UGT2B15: variants seen among roughly 807,000 people sequenced by gnomAD.
UGT2B15 encodes UDP glucuronosyltransferase family 2 member B15.
In UGT2B15, 36 loss-of-function variants were observed where a neutral mutation model predicts 45.9. That is an observed-to-expected ratio of 0.78 (90% confidence interval 0.60 to 1.04). UGT2B15 has a LOEUF of 1.04. Ranked by LOEUF, UGT2B15 falls within the 50% of genes least tolerant of loss-of-function variation. The pLI is 0.00. For synonymous variants in UGT2B15, 219 were observed against 216.4 expected (o/e 1.01, Z -0.11); for missense variants, 617 against 622.4 (o/e 0.99, Z 0.09).
intron 5 of UGT2B15, 49 bp downstream of exon 5, chr4:68,653,988 G>T: frequency 6.3e-7 from 1 of 1,596,380 alleles, no homozygotes; most frequent in South Asian, 1.1e-5. Context: ...ATTCACTGTT[G>T]ACAAAATAAT....
intron 5 of UGT2B15, among the ~76,000 whole-genome samples, chr4:68,651,229 G>A (rs1473775286): frequency 1.3e-5 from 2 of 152,062 alleles, no homozygotes; most frequent in Middle Eastern, 3.4e-3. Context: ...TTTTGCCCAT[G>A]CCTATGTCCT....
At chr4:68,660,036 A>T (rs1204396955) in intron 3 of UGT2B15, among the ~76,000 whole-genome samples, 1 of 147,722 alleles carries the variant, frequency 6.8e-6, no homozygotes, top group Admixed American at 6.8e-5. Context: ...GTTTCCCTCT[A>T]CCTGATTTTT....
chr4:68,663,258 A>G, intron 2 of UGT2B15, 119 bp from the exon 3 acceptor site: 2 of 1,038,082 alleles, frequency 1.9e-6, no homozygotes, highest in Non-Finnish European at 2.7e-6. Context: ...ATTTTTTTAA[A>G]CTGACCTAAT....
chr4:68,665,595 A>C (rs1733096235), intron 2 of UGT2B15, among the ~76,000 whole-genome samples: 1 of 152,186 alleles, frequency 6.6e-6, no homozygotes, highest in Non-Finnish European at 1.5e-5. Flanking sequence ...CAAACACTTG[A>C]TACTTTTTGG....
chr4:68,650,691 T>A (rs932551462), intron 5 of UGT2B15, among the ~76,000 whole-genome samples: 1 of 152,062 alleles, frequency 6.6e-6, no homozygotes, highest in African/African-American at 2.4e-5. Flanking sequence ...TCAAATGGTG[T>A]TTCTGGTTCT....
Position 68,649,575 on chromosome 4 carries a change from C to T in UGT2B15, c.1314-2192G>A, listed in dbSNP as rs1427006431. Among the ~76,000 whole-genome samples the T allele has an allele frequency of 2.0e-5, 3 of 151,738 alleles. No individual in the cohort carries two copies. In the East Asian group the frequency reaches 5.8e-4, roughly 29 times the overall value. ...GGATTACAGGTGTGAGCCACCACACCCGGTCTCCATAAACTCTTTTAAAAA... is the reference window on the plus strand; with the variant it reads ...GGATTACAGGTGTGAGCCACCACACTCGGTCTCCATAAACTCTTTTAAAAA... On this transcript the variant is annotated intron_variant, in intron 5 of 5. Coordinates refer to ENST00000338206, the MANE Select transcript of UGT2B15 (RefSeq NM_001076.4).
intron 3 of UGT2B15, among the ~76,000 whole-genome samples, chr4:68,657,597 GA>G (rs1732845572): frequency 6.6e-6 from 1 of 152,096 alleles, no homozygotes; most frequent in Non-Finnish European, 1.5e-5. Context: ...TAGGTTTTAT[GA>G]CACCTCTACT....
At position 68,646,827 on chromosome 4, in the gene UGT2B15, C is replaced by T. The variant is rs1204756329; in HGVS notation, c.*277G>A. 72 of 383,544 alleles carry T rather than the reference C, an allele frequency of 1.9e-4. 1 individual carries two copies. Among genetic ancestry groups the T allele is most frequent in the Middle Eastern group, 7.5e-4 (1 of 1,342 alleles). The allele number at this position is 383,544 out of a possible 1,614,324, so 23.8% of individuals were successfully genotyped here. On this transcript the variant is annotated 3_prime_UTR_variant, in exon 6 of 6. Coordinates refer to ENST00000338206, the MANE Select transcript of UGT2B15 (RefSeq NM_001076.4). ...CATATGTATACATGTGCCATGTTGG[C>T]GTGCTGCATCCAGTAACTCGTCATT...
chr4:68,655,053 G>A (rs201393612), intron 4 of UGT2B15, 42 bp downstream of exon 4: 1 of 1,586,944 alleles, frequency 6.3e-7, no homozygotes, highest in African/African-American at 1.3e-5. Context: ...ACTCCAATTT[G>A]CTGTTACTAA....
chr4:68,650,996 T>TC (rs142626252), intron 5 of UGT2B15, among the ~76,000 whole-genome samples: 1 of 2,282 alleles, frequency 4.4e-4, no homozygotes, highest in Non-Finnish European at 0.013. Context: ...GATGGTGTTG[T>TC]TTTTTTTTTT....
chr4:68,661,313 C>T (rs1347619716), intron 3 of UGT2B15, among the ~76,000 whole-genome samples: 1 of 152,004 alleles, frequency 6.6e-6, no homozygotes, highest in African/African-American at 2.4e-5. Context: ...AGGAATGCCT[C>T]CTCCCTGCTT....
At chr4:68,654,902 ATG>A (rs1732758988) in intron 4 of UGT2B15, among the ~76,000 whole-genome samples, 191 bp downstream of exon 4, 1 of 152,146 alleles carries the variant, frequency 6.6e-6, no homozygotes, top group Non-Finnish European at 1.5e-5. Context: ...ATGTGACTGT[ATG>A]TAATAAAATG....
chr4:68,670,161 G>T lies in UGT2B15; in HGVS notation c.458C>A (p.Ala153Asp), dbSNP rs767356070. The T allele has an allele frequency of 5.0e-6, 8 of 1,613,954 alleles. No individual in the cohort carries two copies. Among genetic ancestry groups the T allele is most frequent in the Non-Finnish European group, 6.8e-6 (8 of 1,180,000 alleles). Reference sequence around the variant, plus strand: ...CAGTAGCTCACCACAGGGATTAAGGGCATCTGCCAGAATGACATCAAACTT... The same window carrying T: ...CAGTAGCTCACCACAGGGATTAAGGTCATCTGCCAGAATGACATCAAACTT... ...ESKFDVILADALNPCGELLAE... is the reference protein window; with the variant it reads ...ESKFDVILADDLNPCGELLAE... The change falls in exon 1 of 6, where the codon GCC (alanine) becomes GAC (aspartate). Residue 153 changes from alanine (A) to aspartate (D), a missense_variant. Coordinates refer to ENST00000338206, the MANE Select transcript of UGT2B15 (RefSeq NM_001076.4).
intron 5 of UGT2B15, among the ~76,000 whole-genome samples, chr4:68,651,677 G>A (rs1406449349): frequency 6.6e-6 from 1 of 151,824 alleles, no homozygotes; most frequent in African/African-American, 2.4e-5. Context: ...AACAATCAGA[G>A]GGTTGTAGAT....
intron 4 of UGT2B15, among the ~76,000 whole-genome samples, chr4:68,654,524 A>C (rs1468632277): frequency 1.3e-5 from 2 of 151,870 alleles, no homozygotes; most frequent in Non-Finnish European, 2.9e-5. Context: ...ATAAATAATG[A>C]GGTCACATTT....
At chr4:68,668,218 G>A in intron 1 of UGT2B15, 30 bp from the exon 2 acceptor site, 1 of 1,604,848 alleles carries the variant, frequency 6.2e-7, no homozygotes, top group Non-Finnish European at 8.5e-7. Context: ...CAAAACAAAA[G>A]GTAGCTAACA....
intron 2 of UGT2B15, among the ~76,000 whole-genome samples, chr4:68,667,817 C>T (rs1361098943): frequency 6.6e-6 from 1 of 152,102 alleles, no homozygotes; most frequent in East Asian, 1.9e-4. Context: ...CTTACTTTAA[C>T]CAACCCTGTT....
chr4:68,655,501 C>T (rs1275156703), intron 3 of UGT2B15, among the ~76,000 whole-genome samples: 1 of 152,038 alleles, frequency 6.6e-6, no homozygotes, highest in Non-Finnish European at 1.5e-5. Context: ...AGTTAAGCTG[C>T]TTAGGGCAAA....
chr4:68,657,018 T>G (rs1732826415), intron 3 of UGT2B15, among the ~76,000 whole-genome samples: 1 of 152,170 alleles, frequency 6.6e-6, no homozygotes, highest in African/African-American at 2.4e-5. Flanking sequence ...TTAAGAATCC[T>G]AATTCTAGTT....
Sources: gnomAD v4.1 joint callset for allele counts (sites outside exome capture counted in the v4.1 genomes callset) on GRCh38, gnomAD v4.1.1 for gene constraint, MANE v1.5 for transcripts, NCBI Gene and HGNC (gene_info 2026-07-23, HGNC 2026-07-21) for gene names.